Variants in LARGE1 observed in about 807,000 individuals in gnomAD.
LARGE1 encodes the protein LARGE xylosyl- and glucuronyltransferase 1, also known as xylosyl- and glucuronyltransferase LARGE1.
In LARGE1, 43 loss-of-function variants were observed where a neutral mutation model predicts 87.6. That is an observed-to-expected ratio of 0.49 (90% CI 0.38 to 0.63). The LOEUF (loss-of-function observed/expected upper bound fraction) is 0.63. Among genes scored for constraint, LARGE1 ranks in the 30% least tolerant of loss-of-function variants. LARGE1 has a pLI of 0.00. For missense variants in LARGE1, 802 were observed against 1,000.2 expected (o/e 0.80, Z 2.67); for synonymous variants, 434 against 394.6 (o/e 1.10, Z -1.18).
At chr22:33,538,623 A>T (rs1237674352) in intron 6 of LARGE1, among the ~76,000 whole-genome samples, 1 of 152,164 alleles carries the variant, frequency 6.6e-6, no homozygotes, top group Non-Finnish European at 1.5e-5. Context: ...ACAGAGATAA[A>T]TAAAACAGGG....
intron 1 of LARGE1, among the ~76,000 whole-genome samples, chr22:33,896,291 A>G (rs2065143292): frequency 6.6e-6 from 1 of 152,186 alleles, no homozygotes; most frequent in Non-Finnish European, 1.5e-5. Flanking sequence ...GGCTGAATAA[A>G]TTCCATGTAT....
At chr22:33,512,533 TGGCTCAC>T (rs1569227301) in intron 6 of LARGE1, among the ~76,000 whole-genome samples, 1 of 152,252 alleles carries the variant, frequency 6.6e-6, no homozygotes, top group African/African-American at 2.4e-5. Context: ...CCAGGCGCAG[TGGCTCAC>T]GCCTGTAATC....
chr22:33,353,830 C>T (rs776053791), intron 9 of LARGE1, among the ~76,000 whole-genome samples: 1 of 152,196 alleles, frequency 6.6e-6, no homozygotes. Flanking sequence ...AGAGTCAGCA[C>T]CATGCAATGA....
chr22:33,870,952 G>A (rs911441427), intron 1 of LARGE1, among the ~76,000 whole-genome samples: 3 of 152,182 alleles, frequency 2.0e-5, no homozygotes, highest in African/African-American at 7.2e-5. Flanking sequence ...GTGGTCTAAT[G>A]TGGATTCAAA....
At chr22:33,386,107 A>C (rs962277306) in intron 7 of LARGE1, among the ~76,000 whole-genome samples, 1 of 148,960 alleles carries the variant, frequency 6.7e-6, no homozygotes. Flanking sequence ...CTGAAGGACA[A>C]ATTAGATCTG....
At chr22:33,482,633 GT>G (rs1418373312) in intron 6 of LARGE1, among the ~76,000 whole-genome samples, 1 of 151,996 alleles carries the variant, frequency 6.6e-6, no homozygotes, top group Admixed American at 6.6e-5. Context: ...ATCATGGCAC[GT>G]TCTGGCCATG....
the LARGE1 span, among the ~76,000 whole-genome samples, chr22:33,088,531 T>G: frequency 5.3e-5 from 8 of 152,180 alleles, no homozygotes; most frequent in Non-Finnish European, 8.8e-5. Flanking sequence ...ATTCAGAAAG[T>G]GTCCGTGTCA....
the LARGE1 span, among the ~76,000 whole-genome samples, chr22:33,150,150 C>A: frequency 1.3e-5 from 2 of 152,288 alleles, no homozygotes; most frequent in East Asian, 3.9e-4. Context: ...AGAACTGAAA[C>A]TCACCAGATC....
At position 33,786,831 on chromosome 22, in the gene LARGE1, C is replaced by G. The variant is rs1052152121; in HGVS notation, c.-82-25273G>C. ...GGTCAGGAGTTCGAGACCAGCCTGGCCAATATAGTGAAACTCCGTCTCTAC... is the reference window on the plus strand; with the variant it reads ...GGTCAGGAGTTCGAGACCAGCCTGGGCAATATAGTGAAACTCCGTCTCTAC... On this transcript the variant is annotated intron_variant, in intron 1 of 14. Transcript: ENST00000397394. Among the ~76,000 whole-genome samples the G allele has an allele frequency of 2.6e-5, 4 of 152,048 alleles. No homozygotes were observed. In the South Asian group the frequency reaches 8.3e-4, roughly 32 times the overall value.
At chr22:33,378,846 T>G (rs749492923) in intron 9 of LARGE1, among the ~76,000 whole-genome samples, 1 of 152,172 alleles carries the variant, frequency 6.6e-6, no homozygotes, top group African/African-American at 2.4e-5. Flanking sequence ...TTGCTGTAAA[T>G]CAAGGATTCC....
chr22:33,581,836 C>T (rs2078530190), intron 5 of LARGE1, among the ~76,000 whole-genome samples: 1 of 147,296 alleles, frequency 6.8e-6, no homozygotes, highest in Non-Finnish European at 1.5e-5. Context: ...AAAAAAGAAT[C>T]TGACCCATCA....
chr22:33,292,794 G>C (rs766243319), intron 12 of LARGE1, among the ~76,000 whole-genome samples: 27 of 152,134 alleles, frequency 1.8e-4, no homozygotes, highest in Admixed American at 6.5e-4. Flanking sequence ...CTTTTTAATC[G>C]GATGATGTAG....
intron 6 of LARGE1, among the ~76,000 whole-genome samples, chr22:33,553,320 A>T (rs1369876630): frequency 6.6e-6 from 1 of 151,828 alleles, no homozygotes; most frequent in African/African-American, 2.4e-5. Flanking sequence ...AGCCTGGGGA[A>T]CAAAGTGAGA....
At chr22:33,174,359 T>G (rs1922745309) in intron 11 of LARGE1, among the ~76,000 whole-genome samples, 1 of 152,206 alleles carries the variant, frequency 6.6e-6, no homozygotes, top group Non-Finnish European at 1.5e-5. Flanking sequence ...GGTAAATTTA[T>G]AGCACTAAAT....
chr22:33,118,504 GAAAAAAA>G, the LARGE1 span, among the ~76,000 whole-genome samples: 1 of 80,456 alleles, frequency 1.2e-5, no homozygotes, highest in African/African-American at 4.0e-5. Context: ...AAAGAAAAAA[GAAAAAAA>G]AAAAAAAAAG....
At chr22:33,431,972 G>A (rs1249499804) in intron 7 of LARGE1, among the ~76,000 whole-genome samples, 189 bp downstream of exon 7, 3 of 152,104 alleles carry the variant, frequency 2.0e-5, no homozygotes, top group African/African-American at 2.4e-5. Flanking sequence ...ACAGCCCAAC[G>A]GTTACTCTAC....
chr22:33,383,115 A>C (rs2065211581), intron 8 of LARGE1, among the ~76,000 whole-genome samples: 1 of 152,166 alleles, frequency 6.6e-6, no homozygotes. Context: ...GAAATGCAGA[A>C]AACTCAGAGA....
At chr22:33,305,620 A>G (rs553297258) in intron 11 of LARGE1, 1 of 984,932 alleles carries the variant, frequency 1.0e-6, no homozygotes, top group South Asian at 4.7e-5. Context: ...ATGCATTTCC[A>G]TGCTTCTAAA....
chr22:33,139,321 C>T, the LARGE1 span, among the ~76,000 whole-genome samples: 1 of 152,264 alleles, frequency 6.6e-6, no homozygotes, highest in East Asian at 1.9e-4. Flanking sequence ...ATTCTCTATT[C>T]ATATCCTTTG....
Sources: gnomAD v4.1 joint callset for allele counts (sites outside exome capture counted in the v4.1 genomes callset) on GRCh38, gnomAD v4.1.1 for gene constraint, MANE v1.5 for transcripts, NCBI Gene and HGNC (gene_info 2026-07-23, HGNC 2026-07-21) for gene names.